Variants in LAMA2 observed in about 807,000 individuals in gnomAD.
LAMA2 encodes the protein laminin subunit alpha-2.
A neutral mutation model predicts 364.8 loss-of-function variants in LAMA2; 269 were observed. The observed-to-expected ratio is 0.74, with a 90% CI of 0.67 to 0.82. The LOEUF (loss-of-function observed/expected upper bound fraction) is 0.82. LAMA2 is among the 40% of genes least tolerant of loss of function. The pLI is 0.00. For missense variants in LAMA2, 3,807 were observed against 3,873.2 expected (o/e 0.98, Z 0.45); for synonymous variants, 1,379 against 1,370.6 (o/e 1.01, Z -0.14).
rs143783163 is a variant in LAMA2, at chr6:129,390,151, C to T, written c.5072-1340C>T. On this transcript the variant is annotated intron_variant, in intron 35 of 64. Transcript: ENST00000421865. The stretch of plus-strand genomic sequence containing the variant: ...AGACATTGAAACTCAATTCTTTCTA[C>T]TATCCCAGTGTTTCTCAAGCTCTAG... Among the ~76,000 whole-genome samples the T allele has an allele frequency of 4.6e-3, 697 of 152,272 alleles. 8 individuals carry two copies. The highest frequency in any genetic ancestry group is 0.016 in the African/African-American group (672 of 41,546).
intron 58 of LAMA2, among the ~76,000 whole-genome samples, chr6:129,495,456 AC>A (rs983560069): frequency 1.3e-5 from 2 of 152,012 alleles, no homozygotes; most frequent in Non-Finnish European, 2.9e-5. Flanking sequence ...GGACAGTGTG[AC>A]CCCTCCCTCC....
chr6:129,351,168 G>C (rs968257810), intron 31 of LAMA2, among the ~76,000 whole-genome samples: 2 of 151,888 alleles, frequency 1.3e-5, no homozygotes, highest in African/African-American at 4.8e-5. Context: ...ACACCAAAAA[G>C]ATTATCTACA....
At chr6:129,011,757 G>T (rs1265045818) in intron 1 of LAMA2, among the ~76,000 whole-genome samples, 6 of 152,036 alleles carry the variant, frequency 3.9e-5, no homozygotes, top group African/African-American at 1.5e-4. Context: ...CAACAAATTT[G>T]GTTTCTTTTA....
In LAMA2 at chr6:129,443,055, G is replaced by T. The variant is rs909535295; in HGVS notation, c.6269-8G>T. The T allele has an allele frequency of 5.7e-6, 9 of 1,587,464 alleles. No homozygotes were observed. The highest frequency in any genetic ancestry group is 7.8e-6 in the Non-Finnish European group (9 of 1,161,058). On this transcript the variant is annotated splice_polypyrimidine_tract_variant and splice_region_variant and intron_variant, in intron 43 of 64. Coordinates refer to ENST00000421865, the MANE Select transcript of LAMA2 (RefSeq NM_000426.4). ...TTTTGTTTTGCTTCCATGTGAAATT[G>T]CCTGCAGAAATCAGTACGTATATGT...
chr6:129,069,146 T>TA (rs1474672962), intron 3 of LAMA2, among the ~76,000 whole-genome samples: 1 of 151,976 alleles, frequency 6.6e-6, no homozygotes, highest in East Asian at 1.9e-4. Flanking sequence ...GGAGATCTGT[T>TA]AAAAAATCTG....
intron 20 of LAMA2, 35 bp downstream of exon 20, chr6:129,291,755 T>C: frequency 2.1e-6 from 3 of 1,396,892 alleles, no homozygotes; most frequent in Non-Finnish European, 3.1e-6. Flanking sequence ...AATTACTTTC[T>C]CCTTACAGAT....
chr6:128,941,792 C>G (rs932402127), intron 1 of LAMA2, among the ~76,000 whole-genome samples: 1 of 152,030 alleles, frequency 6.6e-6, no homozygotes. Flanking sequence ...GTTCTCTGTG[C>G]CCAGCGAGTT....
At chr6:129,294,633 G>C (rs948809369) in intron 20 of LAMA2, among the ~76,000 whole-genome samples, 7 of 152,100 alleles carry the variant, frequency 4.6e-5, no homozygotes, top group African/African-American at 1.4e-4. Flanking sequence ...AATTTTGGGG[G>C]ACATAAACAT....
chr6:129,456,632 T>G (rs547939229), intron 48 of LAMA2, 138 bp downstream of exon 48: 77 of 848,904 alleles, frequency 9.1e-5, no homozygotes, highest in Non-Finnish European at 1.5e-4. Context: ...AACATGAATT[T>G]ACTTTGAGTA....
intron 41 of LAMA2, among the ~76,000 whole-genome samples, 155 bp from the exon 42 acceptor site, chr6:129,438,491 A>T (rs1038827226): frequency 2.0e-5 from 3 of 151,986 alleles, no homozygotes; most frequent in Admixed American, 6.6e-5. Context: ...TTAAAATATG[A>T]TTGGAAATAT....
chr6:128,924,664 A>G (rs906554053), intron 1 of LAMA2, among the ~76,000 whole-genome samples: 3 of 152,184 alleles, frequency 2.0e-5, no homozygotes, highest in Admixed American at 2.0e-4. Flanking sequence ...ACAGGTAGCT[A>G]GGGTGCCCCC....
intron 17 of LAMA2, among the ~76,000 whole-genome samples, chr6:129,276,655 C>T (rs1285030392): frequency 6.6e-6 from 1 of 152,042 alleles, no homozygotes; most frequent in Non-Finnish European, 1.5e-5. Context: ...GAATCATTTA[C>T]CTGTTGATTG....
chr6:129,515,022 C>A (rs1489168514), intron 64 of LAMA2, among the ~76,000 whole-genome samples: 1 of 152,074 alleles, frequency 6.6e-6, no homozygotes, highest in Non-Finnish European at 1.5e-5. Context: ...GCTAATTTCC[C>A]CCTTATGTTA....
At position 129,051,591 on chromosome 6, in the gene LAMA2, A is replaced by T. The variant is rs528049219; in HGVS notation, c.283+1503A>T. Among the ~76,000 whole-genome samples the T allele has an allele frequency of 3.1e-4, 47 of 149,924 alleles. 1 individual carries two copies. The South Asian group carries it at 5.0e-3, about 16-fold the overall frequency. On this transcript the variant is annotated intron_variant, in intron 2 of 64. Coordinates refer to ENST00000421865, the MANE Select transcript of LAMA2 (RefSeq NM_000426.4). ...CTCCCAATAGATATATTTTTTGTTAATATTATTTCATATATAATATATTAA... is the reference window on the plus strand; with the variant it reads ...CTCCCAATAGATATATTTTTTGTTATTATTATTTCATATATAATATATTAA...
chr6:129,515,433 A>AGAT lies in LAMA2; in HGVS notation c.9212-756_9212-754dup, dbSNP rs568189119. On this transcript the variant is annotated intron_variant, in intron 64 of 64. Transcript: ENST00000421865. ...TTTGCTTCAATCAGGATAAATTCCAAGATATTATGAAGGAGGTAATGTACT... is the reference window on the plus strand; with the variant it reads ...TTTGCTTCAATCAGGATAAATTCCAAGATGATATTATGAAGGAGGTAATGTACT... 5.9e-5 allele frequency among the ~76,000 whole-genome samples: 9 copies of AGAT among 152,330 alleles called. No homozygotes were observed. In the East Asian group the frequency reaches 1.7e-3, roughly 29 times the overall value.
In LAMA2 at chr6:129,005,415, C is replaced by T. The variant is rs188976405; in HGVS notation, c.113-44503C>T. Among the ~76,000 whole-genome samples the T allele has an allele frequency of 1.2e-3, 187 of 152,028 alleles. 1 individual carries two copies. Among genetic ancestry groups the T allele is most frequent in the Admixed American group, 3.2e-3 (49 of 15,262 alleles). On this transcript the variant is annotated intron_variant, in intron 1 of 64. Coordinates refer to ENST00000421865, the MANE Select transcript of LAMA2 (RefSeq NM_000426.4). ...GAAATTTTAATAAATGATTTACTAA[C>T]ATTCTCATCAGGCTTTTTATTATAA...
chr6:128,911,547 T>C (rs918133806), intron 1 of LAMA2, among the ~76,000 whole-genome samples: 1 of 152,122 alleles, frequency 6.6e-6, no homozygotes, highest in Non-Finnish European at 1.5e-5. Context: ...TGGCATTCCT[T>C]AGTGAGATGA....
intron 12 of LAMA2, among the ~76,000 whole-genome samples, chr6:129,249,207 G>A (rs1327268205): frequency 6.6e-6 from 1 of 152,106 alleles, no homozygotes; most frequent in African/African-American, 2.4e-5. Flanking sequence ...GCGAAGCCAA[G>A]TCTCTGCATG....
chr6:129,026,236 A>T (rs1230102049), intron 1 of LAMA2, among the ~76,000 whole-genome samples: 1 of 152,018 alleles, frequency 6.6e-6, no homozygotes, highest in Non-Finnish European at 1.5e-5. Flanking sequence ...TTTTGACAAG[A>T]TATAAAAAAT....
Sources: allele counts gnomAD v4.1 joint callset (sites outside exome capture counted in the v4.1 genomes callset), GRCh38; gene constraint gnomAD v4.1.1; transcripts MANE v1.5; gene names NCBI Gene and HGNC (gene_info 2026-07-23, HGNC 2026-07-21).